AGBL4: variants seen among roughly 807,000 people sequenced by gnomAD.
AGBL4 encodes AGBL carboxypeptidase 4.
A neutral mutation model predicts 66.4 loss-of-function variants in AGBL4; 58 were observed. The ratio of observed to expected loss-of-function variants is 0.87; its 90% confidence interval spans 0.71 to 1.09. The LOEUF (loss-of-function observed/expected upper bound fraction) is 1.09. AGBL4 is among the 50% of genes least tolerant of loss of function. The probability of loss-of-function intolerance (pLI) is 0.00; values close to 1 mark genes in which losing one functional copy is unlikely to be tolerated. For missense variants in AGBL4, 579 were observed against 631.0 expected (o/e 0.92, Z 0.88); for synonymous variants, 234 against 222.9 (o/e 1.05, Z -0.44).
intron 1 of AGBL4, among the ~76,000 whole-genome samples, chr1:49,955,951 A>G (rs1344026077): frequency 6.6e-6 from 1 of 151,884 alleles, no homozygotes; most frequent in East Asian, 1.9e-4. Flanking sequence ...TGAGGGCCAT[A>G]TCTCATTCAT....
At chr1:48,628,887 A>G (rs891545813) in intron 9 of AGBL4, among the ~76,000 whole-genome samples, 2 of 137,390 alleles carry the variant, frequency 1.5e-5, no homozygotes, top group South Asian at 2.3e-4. Flanking sequence ...CTGTTTGCTT[A>G]ATTATAGCAC....
chr1:49,868,223 C>A (rs1646752923), intron 1 of AGBL4, among the ~76,000 whole-genome samples: 1 of 152,060 alleles, frequency 6.6e-6, no homozygotes, highest in African/African-American at 2.4e-5. Flanking sequence ...AGATTCAGTG[C>A]TATTCCCATT....
intron 3 of AGBL4, among the ~76,000 whole-genome samples, chr1:49,548,342 G>A (rs1314728044): frequency 1.3e-5 from 2 of 152,168 alleles, no homozygotes; most frequent in African/African-American, 4.8e-5. Context: ...GTGCTATGTT[G>A]AAGAGGATTT....
At chr1:49,084,628 A>G (rs935697710) in intron 4 of AGBL4, among the ~76,000 whole-genome samples, 2 of 152,186 alleles carry the variant, frequency 1.3e-5, no homozygotes, top group African/African-American at 4.8e-5. Context: ...TGACAATTCA[A>G]GGTGAGATTT....
At chr1:49,325,236 A>G (rs1488598037) in intron 3 of AGBL4, among the ~76,000 whole-genome samples, 3 of 152,194 alleles carry the variant, frequency 2.0e-5, no homozygotes, top group African/African-American at 7.2e-5. Flanking sequence ...CATGTTAGTC[A>G]GGATGATCTC....
chr1:48,763,257 T>C (rs1644367614), intron 6 of AGBL4, among the ~76,000 whole-genome samples: 3 of 152,100 alleles, frequency 2.0e-5, no homozygotes, highest in Admixed American at 2.0e-4. Context: ...AATCCTTGGG[T>C]TCCTATTTTC....
intron 6 of AGBL4, among the ~76,000 whole-genome samples, chr1:48,849,078 C>T (rs1330807445): frequency 2.6e-5 from 4 of 152,160 alleles, no homozygotes; most frequent in African/African-American, 9.7e-5. Context: ...CCTAGAACAG[C>T]CAGATGTGGA....
chr1:49,846,154 C>T, intron 2 of AGBL4: 1 of 1,459,154 alleles, frequency 6.9e-7, no homozygotes, highest in Non-Finnish European at 9.6e-7. Flanking sequence ...AGGAAAAGCC[C>T]TATGGGTTCA....
rs151221970 is a variant in AGBL4, at chr1:48,797,501, T to C, written c.634+69690A>G. Among the ~76,000 whole-genome samples the C allele has an allele frequency of 6.8e-3, 1,043 of 152,366 alleles. 8 individuals carry two copies. The highest frequency in any genetic ancestry group is 0.011 in the Non-Finnish European group (766 of 68,036). On this transcript the variant is annotated intron_variant, in intron 6 of 13. Transcript: ENST00000371839. ...ATTTTCCTTTCCTGAGTTACTTCAC[T>C]TAGAATAATGGTCTCCAGCTCCATC... is the stretch of plus-strand genomic sequence containing the variant.
intron 2 of AGBL4, among the ~76,000 whole-genome samples, chr1:49,820,758 T>A (rs1294911215): frequency 1.3e-5 from 2 of 152,146 alleles, no homozygotes; most frequent in African/African-American, 4.8e-5. Context: ...GAAATAAACA[T>A]ATAAATGCTG....
chr1:49,783,082 T>C (rs1644374377), intron 2 of AGBL4, among the ~76,000 whole-genome samples: 1 of 152,010 alleles, frequency 6.6e-6, no homozygotes, highest in Non-Finnish European at 1.5e-5. Context: ...CTGAATTTGC[T>C]CATGCCTGGT....
chr1:49,169,391 T>C (rs929975652), intron 4 of AGBL4, among the ~76,000 whole-genome samples: 5 of 152,208 alleles, frequency 3.3e-5, no homozygotes, highest in Non-Finnish European at 7.3e-5. Flanking sequence ...TTTCTACTCC[T>C]ATAAGGGCTT....
At chr1:49,533,194 CCA>C (rs1293356192) in intron 3 of AGBL4, among the ~76,000 whole-genome samples, 1 of 152,144 alleles carries the variant, frequency 6.6e-6, no homozygotes, top group Non-Finnish European at 1.5e-5. Context: ...CACCCCGCCC[CCA>C]CACACAGACA....
At chr1:49,257,736 T>G (rs1652670362) in intron 3 of AGBL4, among the ~76,000 whole-genome samples, 1 of 152,190 alleles carries the variant, frequency 6.6e-6, no homozygotes, top group African/African-American at 2.4e-5. Flanking sequence ...CAGATGGAAA[T>G]GCAGAAATCA....
rs76259549 is a variant in AGBL4, at chr1:49,198,726, A to G, written c.377+47044T>C. On this transcript the variant is annotated intron_variant, in intron 4 of 13. Coordinates refer to ENST00000371839, the MANE Select transcript of AGBL4 (RefSeq NM_032785.4). Reference sequence around the variant, plus strand: ...TTGTTTGCCATATCACGGTTTTTTGATAAGTTTTTAAAAACTTGCGTTTTT... The same window carrying G: ...TTGTTTGCCATATCACGGTTTTTTGGTAAGTTTTTAAAAACTTGCGTTTTT... Among the ~76,000 whole-genome samples the G allele has an allele frequency of 2.1e-4, 32 of 151,062 alleles. No homozygotes were observed. In the East Asian group the frequency reaches 5.8e-3, roughly 28 times the overall value.
At chr1:49,838,356 C>G (rs1645905691) in intron 2 of AGBL4, among the ~76,000 whole-genome samples, 2 of 152,208 alleles carry the variant, frequency 1.3e-5, no homozygotes, top group South Asian at 4.1e-4. Flanking sequence ...CTTCCTTCTT[C>G]CTGCCCTACA....
intron 6 of AGBL4, among the ~76,000 whole-genome samples, chr1:48,781,465 G>C (rs1383919114): frequency 6.6e-6 from 1 of 152,006 alleles, no homozygotes; most frequent in African/African-American, 2.4e-5. Context: ...CCATAGCCCT[G>C]GGCTTTACAC....
At chr1:49,143,188 A>G (rs1319554980) in intron 4 of AGBL4, among the ~76,000 whole-genome samples, 1 of 152,148 alleles carries the variant, frequency 6.6e-6, no homozygotes, top group East Asian at 1.9e-4. Context: ...CATTAATTTA[A>G]GGAGAAGCCA....
intron 5 of AGBL4, among the ~76,000 whole-genome samples, chr1:48,920,951 T>C (rs1185432385): frequency 6.6e-6 from 1 of 152,230 alleles, no homozygotes; most frequent in African/African-American, 2.4e-5. Context: ...CAAGGCCCTG[T>C]ACTGGGACAA....
Sources: gnomAD v4.1 joint callset for allele counts (sites outside exome capture counted in the v4.1 genomes callset) on GRCh38, gnomAD v4.1.1 for gene constraint, MANE v1.5 for transcripts, NCBI Gene and HGNC (gene_info 2026-07-23, HGNC 2026-07-21) for gene names.